GNG7: variants seen among roughly 807,000 people sequenced by gnomAD.
GNG7 encodes guanine nucleotide-binding protein G(I)/G(S)/G(O) subunit gamma-7.
Under a neutral mutation model 4.0 loss-of-function variants are expected in GNG7, and 1 was observed. That is an observed-to-expected ratio of 0.25 (90% CI 0.09 to 1.18). GNG7 has a LOEUF of 1.18. Among genes scored for constraint, GNG7 ranks in the 50% most tolerant of loss-of-function variants. The pLI, the probability that GNG7 is intolerant of heterozygous loss-of-function variation, is 0.50. For missense variants in GNG7, 86 were observed against 91.9 expected, an observed-to-expected ratio of 0.94 and a Z score of 0.26; for synonymous variants, 34 against 36.9, an observed-to-expected ratio of 0.92 and a Z score of 0.29.
At position 2,661,288 on chromosome 19, in the gene GNG7, A is replaced by AAG. The variant is rs1290851616; in HGVS notation, c.-134-15010_-134-15009dup. Reference sequence around the variant, plus strand: ...AAGAAAGAAAAGAAAGAAAGAAAGAAAGAAAGAAAGAAAGAGAAAGAAAGA... The same window carrying AAG: ...AAGAAAGAAAAGAAAGAAAGAAAGAAAGAGAAAGAAAGAAAGAGAAAGAAAGA... On this transcript the variant is annotated intron_variant, in intron 1 of 4. Transcript: ENST00000382159. Among the ~76,000 whole-genome samples, 196 of 47,196 alleles carry AAG rather than the reference A, an allele frequency of 4.2e-3. 1 individual carries two copies. The highest frequency in any genetic ancestry group is 5.8e-3 in the African/African-American group (59 of 10,160). The allele number at this position is 47,196 out of a possible 152,430, so 31.0% of individuals were successfully genotyped here. A position where few individuals can be genotyped will look rare whatever the true frequency, so the allele number is the denominator to read the frequency against.
rs796899840 is a variant in GNG7 at position 2,633,487 on chromosome 19, GCACACACACACACACACACA to G, written c.-78+12717_-78+12736del. 4.8e-5 allele frequency among the ~76,000 whole-genome samples: 5 copies of G among 103,776 alleles called. No individual in the cohort carries two copies. Among genetic ancestry groups the G allele is most frequent in the Non-Finnish European group, 8.1e-5 (4 of 49,686 alleles). 68.1% of individuals were successfully genotyped at this position (103,776 alleles called of 152,430 possible). A position where few individuals can be genotyped will look rare whatever the true frequency, so the allele number is the denominator to read the frequency against. On this transcript the variant is annotated intron_variant, in intron 2 of 4. Coordinates refer to ENST00000382159, the MANE Select transcript of GNG7 (RefSeq NM_052847.3). This position sits in a 1 kb window ranked among gnomAD's most constrained non-coding sequence, Gnocchi z 5.9. ...TAGCAACAGGCGCGCGCGCGCGCGC[GCACACACACACACACACACA>G]CACACACACACACACACGAGAGGTG...
At chr19:2,685,596 G>T (rs898684480) in intron 1 of GNG7, among the ~76,000 whole-genome samples, 1 of 152,158 alleles carries the variant, frequency 6.6e-6, no homozygotes, top group Admixed American at 6.6e-5. Context: ...CTGCACTCCA[G>T]CCTGGGTGAC....
intron 2 of GNG7, among the ~76,000 whole-genome samples, chr19:2,613,617 T>C (rs914782445): frequency 9.9e-5 from 15 of 151,724 alleles, no homozygotes; most frequent in Admixed American, 3.3e-4. Flanking sequence ...GGGGAATCTG[T>C]GGATTCCCCT....
intron 1 of GNG7, among the ~76,000 whole-genome samples, chr19:2,693,767 G>T (rs1000575534): frequency 3.3e-5 from 5 of 152,080 alleles, no homozygotes; most frequent in African/African-American, 1.2e-4. Context: ...CACCCCCAGG[G>T]ACAAGCTCTG....
At chr19:2,588,431 T>C (rs1400763939) in intron 2 of GNG7, among the ~76,000 whole-genome samples, 1 of 152,172 alleles carries the variant, frequency 6.6e-6, no homozygotes, top group Non-Finnish European at 1.5e-5. Context: ...ACGCACGTCA[T>C]GAGGTTTGTT....
Position 2,626,659 on chromosome 19 carries a change from G to A in GNG7, c.-78+19565C>T, listed in dbSNP as rs956791447. ...TGGGCACCTGCTTTCACTCTTGGGC[G>A]GTGTTGTCTTCATCGGTTCACTCAA... is the stretch of plus-strand genomic sequence containing the variant. On this transcript the variant is annotated intron_variant, in intron 2 of 4. Transcript: ENST00000382159. This position sits in a 1 kb window ranked among gnomAD's most constrained non-coding sequence, Gnocchi z 5.0. 6.6e-6 allele frequency among the ~76,000 whole-genome samples: 1 copy of A among 152,120 alleles called. No individual in the cohort carries two copies. The highest frequency in any genetic ancestry group is 2.4e-5 in the African/African-American group (1 of 41,420).
At chr19:2,630,072 C>A (rs1256944792) in intron 2 of GNG7, among the ~76,000 whole-genome samples, 1 of 151,822 alleles carries the variant, frequency 6.6e-6, no homozygotes, top group African/African-American at 2.4e-5. Context: ...TGGGACACAG[C>A]CTGCCACCTA....
At chr19:2,674,214 G>A (rs1983537845) in intron 1 of GNG7, among the ~76,000 whole-genome samples, 2 of 131,186 alleles carry the variant, frequency 1.5e-5, no homozygotes, top group African/African-American at 2.7e-5. Flanking sequence ...GCGGTGAGCC[G>A]AGATCACCCC....
At chr19:2,535,160 GT>G (rs1330050436) in intron 3 of GNG7, among the ~76,000 whole-genome samples, 4 of 151,988 alleles carry the variant, frequency 2.6e-5, no homozygotes, top group African/African-American at 9.7e-5. Flanking sequence ...TGATATTTGA[GT>G]TGTATGCCTA....
At chr19:2,695,251 G>A (rs1913217123) in intron 1 of GNG7, among the ~76,000 whole-genome samples, 1 of 151,914 alleles carries the variant, frequency 6.6e-6, no homozygotes, top group African/African-American at 2.4e-5. Flanking sequence ...CTTCCTCGTG[G>A]CCTCCTGTCT....
chr19:2,699,438 C>T (rs1012397304), intron 1 of GNG7, among the ~76,000 whole-genome samples: 1 of 152,118 alleles, frequency 6.6e-6, no homozygotes, highest in African/African-American at 2.4e-5. Context: ...CGTGAGCCAC[C>T]GCACCCAGCC....
chr19:2,694,339 A>G (rs765447510), intron 1 of GNG7, among the ~76,000 whole-genome samples: 33 of 152,050 alleles, frequency 2.2e-4, no homozygotes, highest in Non-Finnish European at 1.2e-4. Context: ...CCTGGTATAG[A>G]GCAGTGGTTC....
chr19:2,550,372 C>T (rs1262328740), intron 3 of GNG7, among the ~76,000 whole-genome samples: 2 of 152,216 alleles, frequency 1.3e-5, no homozygotes, highest in Admixed American at 6.5e-5. Flanking sequence ...TTACAGGCAT[C>T]CAACACCAAG....
chr19:2,529,561 CCTT>C (rs747496770), intron 3 of GNG7, among the ~76,000 whole-genome samples: 1 of 152,132 alleles, frequency 6.6e-6, no homozygotes, highest in Non-Finnish European at 1.5e-5. Flanking sequence ...TGGGCAAATC[CCTT>C]CTTCTTCTGA....
In GNG7 at chr19:2,513,516, C is replaced by A; in HGVS notation, c.*1506G>T. On this transcript the variant is annotated 3_prime_UTR_variant, in exon 5 of 5. Transcript: ENST00000382159. Reference sequence around the variant, plus strand: ...GGACGCAGTCATCTTTCAGAAGCCTCCCCCCGACCCCATGACATCTTCGAT... The same window carrying A: ...GGACGCAGTCATCTTTCAGAAGCCTACCCCCGACCCCATGACATCTTCGAT... The A allele has an allele frequency of 2.0e-6, 2 of 985,166 alleles. No homozygotes were observed. The highest frequency in any genetic ancestry group is 3.5e-5 in the African/African-American group (2 of 57,330). The allele number at this position is 985,166 out of a possible 1,614,324, so 61.0% of individuals were successfully genotyped here.
intron 2 of GNG7, among the ~76,000 whole-genome samples, chr19:2,588,931 C>A (rs555006701): frequency 3.3e-4 from 51 of 152,258 alleles, no homozygotes; most frequent in African/African-American, 1.1e-3. Context: ...ACTCCCAGGT[C>A]TCCTTTCTCT....
intron 2 of GNG7, among the ~76,000 whole-genome samples, chr19:2,641,188 T>A (rs1419632483): frequency 6.6e-6 from 1 of 152,078 alleles, no homozygotes; most frequent in African/African-American, 2.4e-5. Flanking sequence ...CCTCTTCCTC[T>A]CTCCTTGAGG....
rs559152616 is a variant in GNG7, at chr19:2,673,513, T to C, written c.-134-27233A>G. ...TTCGAGACCAGCCTGGCCAACATGG[T>C]GAACCCCTGCCTCTATTAAAAATAC... is the stretch of plus-strand genomic sequence containing the variant. On this transcript the variant is annotated intron_variant, in intron 1 of 4. Coordinates refer to ENST00000382159, the MANE Select transcript of GNG7 (RefSeq NM_052847.3). 5.3e-5 allele frequency among the ~76,000 whole-genome samples: 8 copies of C among 151,816 alleles called. No individual in the cohort carries two copies. In the South Asian group the frequency reaches 1.7e-3, roughly 32 times the overall value.
chr19:2,586,217 T>G (rs539714789), intron 2 of GNG7, among the ~76,000 whole-genome samples: 1 of 152,050 alleles, frequency 6.6e-6, no homozygotes, highest in Admixed American at 6.5e-5. Context: ...TCGGGGAGGA[T>G]CAAGAGCTCC....
Sources: gnomAD v4.1 joint callset for allele counts (sites outside exome capture counted in the v4.1 genomes callset) on GRCh38, gnomAD v4.1.1 for gene constraint, Gnocchi (gnomAD v3.1) non-coding constraint, MANE v1.5 for transcripts, NCBI Gene and HGNC (gene_info 2026-07-23, HGNC 2026-07-21) for gene names.